The following KCNN2 variants were observed in gnomAD, a reference collection of about 807,000 sequenced individuals.
KCNN2 encodes potassium calcium-activated channel subfamily N member 2, also known as small conductance calcium-activated potassium channel protein 2.
A neutral mutation model predicts 55.5 loss-of-function variants in KCNN2; 24 were observed. That is an observed-to-expected ratio of 0.43 (90% CI 0.31 to 0.61). The LOEUF (loss-of-function observed/expected upper bound fraction) is 0.61, where lower values mean the gene tolerates loss of function less well. Ranked by LOEUF, KCNN2 falls within the 20% of genes least tolerant of loss-of-function variation. The pLI, the probability that KCNN2 is intolerant of heterozygous loss-of-function variation, is 0.08. For synonymous variants in KCNN2, 431 were observed against 336.1 expected (o/e 1.28, Z -3.09); for missense variants, 754 against 853.6 (o/e 0.88, Z 1.45).
chr5:114,107,043 T>C (rs1561478518), intron 1 of KCNN2, among the ~76,000 whole-genome samples: 1 of 152,098 alleles, frequency 6.6e-6, no homozygotes, highest in Non-Finnish European at 1.5e-5. Flanking sequence ...ATTAAGTCAA[T>C]CCATCTGGAA....
chr5:114,211,920 A>G (rs1753894854), intron 1 of KCNN2, among the ~76,000 whole-genome samples: 1 of 151,486 alleles, frequency 6.6e-6, no homozygotes, highest in South Asian at 2.1e-4. Flanking sequence ...TTCAATTAAA[A>G]TTTATATTAA....
intron 2 of KCNN2, among the ~76,000 whole-genome samples, chr5:114,281,751 G>A (rs138528391): frequency 1.6e-3 from 235 of 142,582 alleles, no homozygotes; most frequent in African/African-American, 5.4e-3. Context: ...ATGACCTGAA[G>A]CAGGTAAAAT....
intron 2 of KCNN2, among the ~76,000 whole-genome samples, chr5:114,267,536 G>T (rs1189215761): frequency 6.6e-6 from 1 of 152,046 alleles, no homozygotes; most frequent in Non-Finnish European, 1.5e-5. Context: ...GAACAGTAGT[G>T]GTTGACCCCT....
At chr5:114,407,251 A>G (rs1165388306) in intron 3 of KCNN2, among the ~76,000 whole-genome samples, 1 of 151,226 alleles carries the variant, frequency 6.6e-6, no homozygotes, top group Non-Finnish European at 1.5e-5. Context: ...TGTGTAGATA[A>G]TGGCCCTCCT....
chr5:114,059,264 A>G (rs540372849), intron 1 of KCNN2, among the ~76,000 whole-genome samples: 1 of 152,188 alleles, frequency 6.6e-6, no homozygotes, highest in Non-Finnish European at 1.5e-5. Context: ...AAAGAAGAGA[A>G]AGAGCAGGGA....
intron 2 of KCNN2, among the ~76,000 whole-genome samples, chr5:114,355,599 C>T (rs773347245): frequency 2.6e-5 from 4 of 152,154 alleles, no homozygotes; most frequent in Non-Finnish European, 4.4e-5. Flanking sequence ...TTCCTTTCTC[C>T]GGTTCTCTCA....
At chr5:114,432,107 A>T (rs1304434099) in intron 3 of KCNN2, among the ~76,000 whole-genome samples, 29 of 152,240 alleles carry the variant, frequency 1.9e-4, no homozygotes, top group Non-Finnish European at 3.8e-4. Context: ...GTGGTCCTCA[A>T]TTCAACTACG....
At chr5:114,413,541 C>G (rs1234742738) in intron 3 of KCNN2, among the ~76,000 whole-genome samples, 1 of 152,170 alleles carries the variant, frequency 6.6e-6, no homozygotes, top group Non-Finnish European at 1.5e-5. Context: ...GCCCACTAGG[C>G]CTCTCAAAGT....
intron 1 of KCNN2, among the ~76,000 whole-genome samples, chr5:114,194,274 A>G (rs1464940499): frequency 6.6e-6 from 1 of 152,080 alleles, no homozygotes; most frequent in Non-Finnish European, 1.5e-5. Context: ...AAGAAATGCT[A>G]AACTGTTGCC....
chr5:114,226,450 A>G (rs1172322181), intron 2 of KCNN2, among the ~76,000 whole-genome samples: 1 of 152,154 alleles, frequency 6.6e-6, no homozygotes, highest in Non-Finnish European at 1.5e-5. Flanking sequence ...TATTTTAACA[A>G]TGTGTCATAA....
At chr5:114,144,843 G>C (rs910904211) in intron 1 of KCNN2, among the ~76,000 whole-genome samples, 1 of 135,582 alleles carries the variant, frequency 7.4e-6, no homozygotes, top group Non-Finnish European at 1.6e-5. Context: ...GAGAGGTGGT[G>C]GGGGGACATT....
chr5:114,287,992 A>T (rs1435943775), intron 2 of KCNN2, among the ~76,000 whole-genome samples: 1 of 152,190 alleles, frequency 6.6e-6, no homozygotes, highest in Non-Finnish European at 1.5e-5. Flanking sequence ...TCAATACATA[A>T]ATAAATAAAT....
chr5:114,062,070 T>C (rs1750344043), intron 1 of KCNN2, among the ~76,000 whole-genome samples: 1 of 152,128 alleles, frequency 6.6e-6, no homozygotes, highest in Non-Finnish European at 1.5e-5. Flanking sequence ...TAAAATTTGC[T>C]TATGGTTATT....
intron 2 of KCNN2, among the ~76,000 whole-genome samples, chr5:114,223,317 C>G (rs1344537622): frequency 6.6e-6 from 1 of 152,150 alleles, no homozygotes; most frequent in Non-Finnish European, 1.5e-5. Flanking sequence ...TTCAGAAAAA[C>G]TTGTTTGGAG....
At chr5:114,180,320 C>A (rs1305001706) in intron 1 of KCNN2, among the ~76,000 whole-genome samples, 1 of 152,052 alleles carries the variant, frequency 6.6e-6, no homozygotes, top group Non-Finnish European at 1.5e-5. Flanking sequence ...GTATTTAAGA[C>A]TTGTTTTATA....
At chr5:114,466,788 T>G (rs1580880919) in intron 4 of KCNN2, among the ~76,000 whole-genome samples, 1 of 152,258 alleles carries the variant, frequency 6.6e-6, no homozygotes, top group South Asian at 2.1e-4. Flanking sequence ...TAATAGTGAT[T>G]TATAAACCAC....
chr5:114,289,282 A>C (rs1470077153), intron 2 of KCNN2, among the ~76,000 whole-genome samples: 1 of 151,918 alleles, frequency 6.6e-6, no homozygotes, highest in Non-Finnish European at 1.5e-5. Context: ...CAGGTCCTCC[A>C]ATTTTGTTCT....
At chr5:114,143,972 T>A (rs980644478) in intron 1 of KCNN2, among the ~76,000 whole-genome samples, 1 of 152,296 alleles carries the variant, frequency 6.6e-6, no homozygotes, top group Middle Eastern at 3.4e-3. Flanking sequence ...AATTAACGAT[T>A]GTGGATCCTC....
At chr5:114,489,316 G>T (rs917766206) in intron 6 of KCNN2, among the ~76,000 whole-genome samples, 1 of 152,044 alleles carries the variant, frequency 6.6e-6, no homozygotes, top group African/African-American at 2.4e-5. Flanking sequence ...AAAGTATTTG[G>T]GGAAGTTTAA....
Sources: gnomAD v4.1 joint callset for allele counts (sites outside exome capture counted in the v4.1 genomes callset) on GRCh38, gnomAD v4.1.1 for gene constraint, MANE v1.5 for transcripts, NCBI Gene and HGNC (gene_info 2026-07-23, HGNC 2026-07-21) for gene names.